Variants in ZFHX3 observed in about 807,000 individuals in gnomAD.
ZFHX3 encodes zinc finger homeobox protein 3.
ZFHX3 carries 42 observed loss-of-function variants against 279.1 expected under a neutral mutation model. The ratio of observed to expected loss-of-function variants is 0.15; its 90% CI spans 0.12 to 0.19. The LOEUF (loss-of-function observed/expected upper bound fraction) is 0.19, where lower values mean the gene tolerates loss of function less well. Ranked by LOEUF, ZFHX3 falls within the 10% of genes least tolerant of loss-of-function variation. The pLI, the probability that ZFHX3 is intolerant of heterozygous loss-of-function variation, is 1.00. For synonymous variants in ZFHX3, 2,293 were observed against 1,957.8 expected, an observed-to-expected ratio of 1.17 and a Z score of -4.52; for missense variants, 4,981 against 4,754.0, an observed-to-expected ratio of 1.05 and a Z score of -1.40.
chr16:73,199,213 C>T (rs1404811947), intron 5 of ZFHX3, among the ~76,000 whole-genome samples: 4 of 152,198 alleles, frequency 2.6e-5, no homozygotes, highest in South Asian at 2.1e-4. Flanking sequence ...GTGTAGACAA[C>T]GTGGCTGGTC....
At chr16:73,789,393 G>C (rs1407703705) in intron 1 of ZFHX3, among the ~76,000 whole-genome samples, 1 of 151,982 alleles carries the variant, frequency 6.6e-6, no homozygotes, top group Non-Finnish European at 1.5e-5. Flanking sequence ...TGTTAGCCAG[G>C]ATGGTCTCTA....
intron 2 of ZFHX3, chr16:73,486,665 G>C (rs939658678): frequency 1.0e-5 from 4 of 395,998 alleles, no homozygotes; most frequent in African/African-American, 8.4e-5. Flanking sequence ...TGGGATTAGA[G>C]GTGTGATGCA....
In ZFHX3 at chr16:72,956,446, T is replaced by C. The variant is rs1315876613; in HGVS notation, c.2719+981A>G. ...CACGAGTGGCCCAACTATCAGAAGG[T>C]TCTCATGAAACCCATCTGTAGATTG... is the stretch of plus-strand genomic sequence containing the variant. On this transcript the variant is annotated intron_variant, in intron 2 of 9. Transcript: ENST00000268489. Among the ~76,000 whole-genome samples the C allele has an allele frequency of 5.3e-5, 8 of 152,170 alleles. No individual in the cohort carries two copies. The East Asian group carries it at 1.2e-3, about 22-fold the overall frequency.
intron 4 of ZFHX3, among the ~76,000 whole-genome samples, chr16:73,268,039 C>A (rs980178530): frequency 9.2e-5 from 14 of 152,126 alleles, no homozygotes; most frequent in African/African-American, 2.9e-4. Flanking sequence ...ATTTGATTTA[C>A]CCAGTATTTC....
At chr16:73,152,945 C>A (rs1243191766) in intron 5 of ZFHX3, among the ~76,000 whole-genome samples, 6 of 151,948 alleles carry the variant, frequency 3.9e-5, no homozygotes, top group African/African-American at 1.5e-4. Context: ...CAGGCTGAGC[C>A]GGGTCACAAG....
chr16:73,053,178 T>A (rs534080329), intron 1 of ZFHX3, among the ~76,000 whole-genome samples: 1 of 152,236 alleles, frequency 6.6e-6, no homozygotes, highest in Non-Finnish European at 1.5e-5. Context: ...TTCCTCATCC[T>A]GCTTTTCTTT....
intron 2 of ZFHX3, among the ~76,000 whole-genome samples, chr16:73,658,224 T>G (rs2052742115): frequency 6.6e-6 from 1 of 152,232 alleles, no homozygotes; most frequent in Non-Finnish European, 1.5e-5. Flanking sequence ...GCCTTTTAAA[T>G]TCATGGAAAT....
chr16:73,662,613 G>A (rs1387533764), intron 2 of ZFHX3, among the ~76,000 whole-genome samples: 3 of 152,176 alleles, frequency 2.0e-5, no homozygotes, highest in Non-Finnish European at 4.4e-5. Context: ...GAGGCTGAGA[G>A]ATGCCAGATA....
intron 4 of ZFHX3, among the ~76,000 whole-genome samples, chr16:72,830,783 T>C (rs1387081698): frequency 6.6e-6 from 1 of 152,168 alleles, no homozygotes; most frequent in Non-Finnish European, 1.5e-5. Context: ...ATCCAAAACA[T>C]GCATTCAGTA....
chr16:73,664,037 T>C (rs2052810961), intron 2 of ZFHX3, among the ~76,000 whole-genome samples: 1 of 152,186 alleles, frequency 6.6e-6, no homozygotes, highest in Non-Finnish European at 1.5e-5. Context: ...CAAATTGTTT[T>C]CAAAGAGAAC....
At chr16:73,271,130 G>A (rs1305706346) in intron 4 of ZFHX3, among the ~76,000 whole-genome samples, 2 of 152,158 alleles carry the variant, frequency 1.3e-5, no homozygotes, top group South Asian at 2.1e-4. Context: ...AGAGCTTGGC[G>A]TTGAGTGGAA....
intron 3 of ZFHX3, among the ~76,000 whole-genome samples, chr16:72,895,902 T>C (rs1313604393): frequency 1.3e-5 from 2 of 149,188 alleles, no homozygotes; most frequent in African/African-American, 2.4e-5. Context: ...GACGGATAGA[T>C]AGGTAAAAAC....
intron 5 of ZFHX3, among the ~76,000 whole-genome samples, chr16:73,251,466 A>G (rs991756143): frequency 2.0e-5 from 3 of 152,198 alleles, no homozygotes; most frequent in Non-Finnish European, 2.9e-5. Flanking sequence ...CATATGCACA[A>G]TTACTAGCCT....
chr16:73,459,257 A>G (rs1201171635), intron 2 of ZFHX3, among the ~76,000 whole-genome samples: 1 of 152,230 alleles, frequency 6.6e-6, no homozygotes, highest in Non-Finnish European at 1.5e-5. Flanking sequence ...AGGTAAATGT[A>G]TATGTATCAT....
chr16:73,176,462 G>A (rs1967666960), intron 5 of ZFHX3, among the ~76,000 whole-genome samples: 1 of 152,158 alleles, frequency 6.6e-6, no homozygotes, highest in South Asian at 2.1e-4. Context: ...TTATATTGAA[G>A]CTGAGTAACA....
intron 2 of ZFHX3, among the ~76,000 whole-genome samples, chr16:73,660,253 C>T (rs2142174356): frequency 6.6e-6 from 1 of 152,266 alleles, no homozygotes; most frequent in South Asian, 2.1e-4. Context: ...AAACGTGTGC[C>T]TTTTAAAAGC....
chr16:73,465,870 A>G (rs1445573400), intron 2 of ZFHX3, among the ~76,000 whole-genome samples: 1 of 152,180 alleles, frequency 6.6e-6, no homozygotes, highest in African/African-American at 2.4e-5. Context: ...TAAACAGCCC[A>G]GGTTATAGTC....
chr16:73,636,981 G>A (rs1246111042), intron 2 of ZFHX3, among the ~76,000 whole-genome samples: 3 of 151,776 alleles, frequency 2.0e-5, no homozygotes, highest in Non-Finnish European at 4.4e-5. Flanking sequence ...GATATAATAA[G>A]GAAGGATTAT....
intron 1 of ZFHX3, among the ~76,000 whole-genome samples, chr16:73,712,779 G>T (rs371882151): frequency 6.6e-6 from 1 of 152,186 alleles, no homozygotes; most frequent in African/African-American, 2.4e-5. Context: ...TGTTTTCACC[G>T]TAAGAGGGGG....
Sources: allele counts gnomAD v4.1 joint callset (sites outside exome capture counted in the v4.1 genomes callset), GRCh38; gene constraint gnomAD v4.1.1; transcripts MANE v1.5; gene names NCBI Gene and HGNC (gene_info 2026-07-23, HGNC 2026-07-21).